Variants in MKLN1 observed in about 807,000 individuals in gnomAD.
The protein encoded by MKLN1 is muskelin 1, also known as muskelin.
A neutral mutation model predicts 99.0 loss-of-function variants in MKLN1; 18 were observed. The ratio of observed to expected loss-of-function variants is 0.18; its 90% CI spans 0.13 to 0.27. The LOEUF is 0.27. MKLN1 is among the 10% of genes least tolerant of loss of function. MKLN1 has a pLI of 1.00. For missense variants in MKLN1, 621 were observed against 875.9 expected (o/e 0.71, Z 3.67); for synonymous variants, 288 against 293.2 (o/e 0.98, Z 0.18).
intron 10 of MKLN1, among the ~76,000 whole-genome samples, chr7:131,442,815 G>A (rs1227836974): frequency 1.3e-5 from 2 of 152,148 alleles, no homozygotes; most frequent in Non-Finnish European, 2.9e-5. Flanking sequence ...TTTATGAAAA[G>A]TTATAATCTT....
At chr7:131,230,479 T>C (rs1295919337) in intron 3 of MKLN1, among the ~76,000 whole-genome samples, 1 of 152,230 alleles carries the variant, frequency 6.6e-6, no homozygotes, top group Non-Finnish European at 1.5e-5. Context: ...CTTTCATATG[T>C]AGTCCCTTGT....
At chr7:131,289,270 G>A (rs1798179829) in intron 3 of MKLN1, among the ~76,000 whole-genome samples, 1 of 152,182 alleles carries the variant, frequency 6.6e-6, no homozygotes, top group African/African-American at 2.4e-5. Flanking sequence ...AAACCTAGAA[G>A]GGGGTTTATG....
intron 15 of MKLN1, among the ~76,000 whole-genome samples, chr7:131,467,742 G>A (rs760135624): frequency 5.9e-5 from 9 of 152,188 alleles, no homozygotes; most frequent in Non-Finnish European, 1.2e-4. Context: ...AAGATTTTAA[G>A]TAGAGGAGTA....
At chr7:131,117,063 T>C (rs1317324687) in intron 1 of MKLN1, among the ~76,000 whole-genome samples, 1 of 152,070 alleles carries the variant, frequency 6.6e-6, no homozygotes, top group African/African-American at 2.4e-5. Context: ...TAGGACCTTT[T>C]CTAGGACTGA....
intron 1 of MKLN1, among the ~76,000 whole-genome samples, chr7:131,359,663 C>T (rs1377574289): frequency 2.0e-5 from 3 of 152,084 alleles, no homozygotes; most frequent in African/African-American, 4.8e-5. Context: ...TTGTTTGGTA[C>T]AGACACCTTA....
chr7:131,244,596 G>A (rs1387552030), intron 3 of MKLN1, among the ~76,000 whole-genome samples: 1 of 152,196 alleles, frequency 6.6e-6, no homozygotes, highest in Non-Finnish European at 1.5e-5. Context: ...GAAGCTAGAA[G>A]GTGGGTTGCT....
intron 2 of MKLN1, among the ~76,000 whole-genome samples, chr7:131,150,986 T>C (rs12538480): frequency 0.46 from 70,264 of 151,966 alleles, 17,563 homozygotes; most frequent in Non-Finnish European, 0.57. Flanking sequence ...GTTTAAAAAA[T>C]GTTTATTGAC....
At chr7:131,128,565 C>T (rs376926982) in intron 1 of MKLN1, among the ~76,000 whole-genome samples, 25 of 152,228 alleles carry the variant, frequency 1.6e-4, no homozygotes, top group East Asian at 1.3e-3. Flanking sequence ...TTGCTTAGAA[C>T]TTTTAGCTTA....
chr7:131,469,648 T>C (rs1286108355), intron 15 of MKLN1, among the ~76,000 whole-genome samples: 1 of 152,222 alleles, frequency 6.6e-6, no homozygotes, highest in Non-Finnish European at 1.5e-5. Context: ...GCCATCAACC[T>C]GAACACCATC....
At chr7:131,173,281 A>G (rs1482120536) in intron 2 of MKLN1, among the ~76,000 whole-genome samples, 1 of 152,166 alleles carries the variant, frequency 6.6e-6, no homozygotes, top group Non-Finnish European at 1.5e-5. Flanking sequence ...GAAAAACACT[A>G]CAGATAGTTG....
intron 1 of MKLN1, among the ~76,000 whole-genome samples, chr7:131,122,948 G>A (rs558412778): frequency 3.4e-4 from 51 of 150,788 alleles, no homozygotes; most frequent in Non-Finnish European, 5.9e-4. Context: ...GCGTGAACCC[G>A]GGAGGCGGAG....
At chr7:131,380,436 C>T (rs1016116727) in intron 2 of MKLN1, among the ~76,000 whole-genome samples, 4 of 151,508 alleles carry the variant, frequency 2.6e-5, no homozygotes, top group Admixed American at 6.6e-5. Context: ...TAAAAAATAC[C>T]AACAAAAAAT....
intron 3 of MKLN1, among the ~76,000 whole-genome samples, chr7:131,243,596 C>A (rs991855012): frequency 2.6e-5 from 4 of 152,166 alleles, no homozygotes; most frequent in African/African-American, 9.7e-5. Flanking sequence ...TTAAATACAG[C>A]AAATCTGCTG....
chr7:131,351,695 C>G (rs1206770893), intron 1 of MKLN1, among the ~76,000 whole-genome samples: 1 of 152,224 alleles, frequency 6.6e-6, no homozygotes, highest in Non-Finnish European at 1.5e-5. Flanking sequence ...AACTCCTGGC[C>G]TCAAGCAATC....
At chr7:131,225,513 T>C (rs1443828196) in intron 3 of MKLN1, among the ~76,000 whole-genome samples, 1 of 152,146 alleles carries the variant, frequency 6.6e-6, no homozygotes, top group Non-Finnish European at 1.5e-5. Context: ...GGCCCTAATG[T>C]CAGTGTCAGG....
In MKLN1 at chr7:131,443,560, G is replaced by A. The variant is rs1288712048; in HGVS notation, c.1253G>A (p.Ser418Asn). 6.2e-7 allele frequency: 1 copy of A among 1,614,082 alleles called. No individual in the cohort carries two copies. Among genetic ancestry groups the A allele is most frequent in the African/African-American group, 1.3e-5 (1 of 75,040 alleles). ...ACTTGTAATGGCAGCGTAGATGACA[G>A]CAGAGCCAGTGAACCACAATTCAGT... ...ILTCNGSVDD[S>N]RASEPQFSGL... The change falls in exon 11 of 18, where the codon AGC (serine) becomes AAC (asparagine). Residue 418 changes from serine to asparagine, a missense_variant. This residue lies in a region of MKLN1 where 361 missense variants were observed against 540.8 expected (regional missense o/e 0.67). Coordinates refer to ENST00000352689, the MANE Select transcript of MKLN1 (RefSeq NM_013255.5).
At chr7:131,298,698 C>T (rs1165395363) in intron 3 of MKLN1, among the ~76,000 whole-genome samples, 1 of 152,178 alleles carries the variant, frequency 6.6e-6, no homozygotes, top group African/African-American at 2.4e-5. Flanking sequence ...ACCTATCTGC[C>T]TGGCTTCCAC....
rs950621335 is a variant in MKLN1 at position 131,139,983 on chromosome 7, G to T, written c.-418-2837G>T. ...ATCCTCTGAGGTGAGCCTAATGGTG[G>T]CCCACCTTCCTTGCCCTTGCAAGGA... On this transcript the variant is annotated intron_variant, in intron 1 of 7. Transcript: ENST00000416992. Among the ~76,000 whole-genome samples the T allele has an allele frequency of 2.0e-5, 3 of 152,308 alleles. No individual in the cohort carries two copies. In the East Asian group the frequency reaches 5.8e-4, roughly 29 times the overall value.
At chr7:131,307,906 T>C (rs915322787) in intron 3 of MKLN1, among the ~76,000 whole-genome samples, 4 of 152,250 alleles carry the variant, frequency 2.6e-5, no homozygotes, top group Admixed American at 6.5e-5. Flanking sequence ...GGACATGAAA[T>C]TGGGGAGGGG....
Sources: allele counts gnomAD v4.1 joint callset (sites outside exome capture counted in the v4.1 genomes callset), GRCh38; gene constraint gnomAD v4.1.1; regional missense constraint gnomAD v4.1.1; transcripts MANE v1.5; gene names NCBI Gene and HGNC (gene_info 2026-07-23, HGNC 2026-07-21).